The following MSRB3 variants were observed in gnomAD, a reference collection of about 807,000 sequenced individuals.
MSRB3 encodes methionine-R-sulfoxide reductase B3.
Under a neutral mutation model 21.0 loss-of-function variants are expected in MSRB3, and 13 were observed. The observed-to-expected ratio is 0.62, with a 90% CI of 0.40 to 0.98. MSRB3 has a LOEUF of 0.98. Ranked by LOEUF, MSRB3 falls within the 50% of genes least tolerant of loss-of-function variation. The pLI is 0.00. For missense variants in MSRB3, 199 were observed against 230.3 expected (o/e 0.86, Z 0.88); for synonymous variants, 87 against 88.6 (o/e 0.98, Z 0.10).
At chr12:65,383,539 T>C (rs1314077575) in intron 5 of MSRB3, among the ~76,000 whole-genome samples, 2 of 152,182 alleles carry the variant, frequency 1.3e-5, no homozygotes, top group African/African-American at 4.8e-5. Context: ...TCAACAGCTA[T>C]TTACTGTTCA....
chr12:65,389,927 T>G (rs1879388826), intron 5 of MSRB3, among the ~76,000 whole-genome samples: 1 of 152,224 alleles, frequency 6.6e-6, no homozygotes, highest in South Asian at 2.1e-4. Flanking sequence ...CTTCTGTGTC[T>G]TTATCACTTT....
At chr12:65,365,028 C>A (rs1877929486) in intron 4 of MSRB3, among the ~76,000 whole-genome samples, 1 of 151,268 alleles carries the variant, frequency 6.6e-6, no homozygotes, top group Non-Finnish European at 1.5e-5. Flanking sequence ...GATCAGCTAT[C>A]CCTGGAGAAG....
At chr12:65,412,831 A>G (rs372776117) in intron 5 of MSRB3, among the ~76,000 whole-genome samples, 1 of 152,112 alleles carries the variant, frequency 6.6e-6, no homozygotes, top group Non-Finnish European at 1.5e-5. Context: ...GGAACCTTCA[A>G]TCATGGCGGA....
chr12:65,331,397 A>G (rs1204114616), intron 4 of MSRB3, among the ~76,000 whole-genome samples: 5 of 152,202 alleles, frequency 3.3e-5, no homozygotes, highest in African/African-American at 1.2e-4. Flanking sequence ...TAGCCCTAGG[A>G]ATCCTCTGCA....
intron 5 of MSRB3, among the ~76,000 whole-genome samples, chr12:65,395,558 T>A (rs1400162270): frequency 2.6e-5 from 4 of 152,212 alleles, no homozygotes; most frequent in Admixed American, 2.0e-4. Context: ...TCAATTGTAT[T>A]TCTGGAAGAG....
intron 5 of MSRB3, among the ~76,000 whole-genome samples, chr12:65,422,801 AT>A (rs1477680303): frequency 6.6e-6 from 1 of 151,688 alleles, no homozygotes; most frequent in African/African-American, 2.4e-5. Context: ...TAAGTATTTT[AT>A]TTGTTATTGT....
intron 5 of MSRB3, among the ~76,000 whole-genome samples, chr12:65,451,683 C>T (rs921810126): frequency 6.6e-6 from 1 of 152,130 alleles, no homozygotes; most frequent in African/African-American, 2.4e-5. Flanking sequence ...CATAAAGAGG[C>T]GTAATCACAG....
intron 5 of MSRB3, among the ~76,000 whole-genome samples, chr12:65,374,408 T>TTATGCTGGTTGGTTGGTCC (rs1878487425): frequency 6.6e-6 from 1 of 152,210 alleles, no homozygotes; most frequent in African/African-American, 2.4e-5. Context: ...TCATGGAATC[T>TTATGCTGGTTGGTTGGTCC]TATGCTGGTT....
chr12:65,345,029 T>C (rs571921831), intron 4 of MSRB3, among the ~76,000 whole-genome samples: 2 of 152,170 alleles, frequency 1.3e-5, no homozygotes, highest in East Asian at 1.9e-4. Context: ...TCAGTAGTCA[T>C]GCAACAAACA....
chr12:65,411,559 G>A (rs372364837), intron 5 of MSRB3, among the ~76,000 whole-genome samples: 3 of 151,882 alleles, frequency 2.0e-5, no homozygotes, highest in African/African-American at 4.8e-5. Context: ...ATTAGCAAAC[G>A]GTTAAATCCT....
At chr12:65,287,871 A>G (rs1464992332) in intron 1 of MSRB3, among the ~76,000 whole-genome samples, 1 of 152,202 alleles carries the variant, frequency 6.6e-6, no homozygotes, top group Non-Finnish European at 1.5e-5. Context: ...GTGTAGTATT[A>G]TGAAAAGAAC....
At chr12:65,367,745 G>A (rs1878092938) in intron 4 of MSRB3, among the ~76,000 whole-genome samples, 1 of 152,184 alleles carries the variant, frequency 6.6e-6, no homozygotes, top group Non-Finnish European at 1.5e-5. Context: ...AGAAGGCAGG[G>A]ACATGGAAGA....
At chr12:65,446,644 G>C (rs894001583) in intron 5 of MSRB3, among the ~76,000 whole-genome samples, 4 of 152,146 alleles carry the variant, frequency 2.6e-5, no homozygotes, top group African/African-American at 9.7e-5. Flanking sequence ...GGAGGAGTAG[G>C]AGGAGTAAAA....
rs1874914685 is a variant in MSRB3 at position 65,324,921 on chromosome 12, T to C, written c.77-1905T>C. On this transcript the variant is annotated intron_variant, in intron 2 of 6. Coordinates refer to ENST00000308259, the MANE Select transcript of MSRB3 (RefSeq NM_001031679.3). Reference sequence around the variant, plus strand: ...ATGAATGAACGTATATTAACAAAAATATTTTGGATAGAATTGTTTGATTTT... The same window carrying C: ...ATGAATGAACGTATATTAACAAAAACATTTTGGATAGAATTGTTTGATTTT... Among the ~76,000 whole-genome samples the C allele has an allele frequency of 1.3e-5, 2 of 152,216 alleles. 1 individual carries two copies. The highest frequency in any genetic ancestry group is 4.1e-4 in the South Asian group (2 of 4,834).
chr12:65,301,761 G>A (rs1284757486), intron 1 of MSRB3, among the ~76,000 whole-genome samples: 1 of 152,116 alleles, frequency 6.6e-6, no homozygotes, highest in African/African-American at 2.4e-5. Flanking sequence ...ACAATTATCT[G>A]AAAAGGTTAT....
chr12:65,295,163 G>T (rs1358815774), intron 1 of MSRB3, among the ~76,000 whole-genome samples: 1 of 152,090 alleles, frequency 6.6e-6, no homozygotes, highest in East Asian at 1.9e-4. Context: ...CTTTCATAGG[G>T]TTTATTTTAG....
In MSRB3 at chr12:65,463,459, C is replaced by CTTCTGT; in HGVS notation, c.*139_*140insCTGTTT. On this transcript the variant is annotated 3_prime_UTR_variant, in exon 7 of 7. Coordinates refer to ENST00000308259, the MANE Select transcript of MSRB3 (RefSeq NM_001031679.3). ...GCTATTGATATTTTTTCTTCTTTTGCTTAAACAGAAGCCCTGGCCATCCAT... is the reference window on the plus strand; with the variant it reads ...GCTATTGATATTTTTTCTTCTTTTGCTTCTGTTTAAACAGAAGCCCTGGCCATCCAT... 1 of 1,084,778 alleles carries CTTCTGT rather than the reference C, an allele frequency of 9.2e-7. No individual in the cohort carries two copies. Among genetic ancestry groups the CTTCTGT allele is most frequent in the Non-Finnish European group, 1.3e-6 (1 of 763,976 alleles). The allele number at this position is 1,084,778 out of a possible 1,614,324, so 67.2% of individuals were successfully genotyped here.
chr12:65,419,372 G>C (rs1380415745), intron 5 of MSRB3: 4 of 754,760 alleles, frequency 5.3e-6, no homozygotes, highest in Non-Finnish European at 9.8e-6. Context: ...TCCTCTTCAT[G>C]GTTCTTCTTC....
At chr12:65,445,554 T>C (rs911610108) in intron 5 of MSRB3, among the ~76,000 whole-genome samples, 5 of 151,850 alleles carry the variant, frequency 3.3e-5, no homozygotes, top group Non-Finnish European at 7.4e-5. Flanking sequence ...TAAATTTTAT[T>C]TGCATTTTTA....
Sources: allele counts gnomAD v4.1 joint callset (sites outside exome capture counted in the v4.1 genomes callset), GRCh38; gene constraint gnomAD v4.1.1; transcripts MANE v1.5; gene names NCBI Gene and HGNC (gene_info 2026-07-23, HGNC 2026-07-21).